RABGAP1L: variants seen among roughly 807,000 people sequenced by gnomAD.
RABGAP1L encodes the protein rab GTPase-activating protein 1-like.
A neutral mutation model predicts 137.7 loss-of-function variants in RABGAP1L; 63 were observed. The ratio of observed to expected loss-of-function variants is 0.46; its 90% CI spans 0.37 to 0.56. The LOEUF is 0.56. Among genes scored for constraint, RABGAP1L ranks in the 20% least tolerant of loss-of-function variants. The pLI is 0.00. For missense variants in RABGAP1L, 1,095 were observed against 1,244.0 expected (o/e 0.88, Z 1.80); for synonymous variants, 431 against 433.7 (o/e 0.99, Z 0.08).
intron 6 of RABGAP1L, among the ~76,000 whole-genome samples, chr1:174,250,835 C>A (rs1288190785): frequency 6.6e-6 from 1 of 152,156 alleles, no homozygotes; most frequent in African/African-American, 2.4e-5. Context: ...TCTTGTCACC[C>A]AGGCTGGAGT....
chr1:174,647,002 G>GCTCT (rs1481990028), intron 14 of RABGAP1L, among the ~76,000 whole-genome samples: 4 of 151,170 alleles, frequency 2.6e-5, no homozygotes, highest in Admixed American at 1.3e-4. Flanking sequence ...TCATGATTTG[G>GCTCT]CTGTTTGTCT....
chr1:174,644,036 A>G (rs1479105335), intron 14 of RABGAP1L, among the ~76,000 whole-genome samples: 1 of 151,864 alleles, frequency 6.6e-6, no homozygotes, highest in African/African-American at 2.4e-5. Context: ...TGTTAGTATC[A>G]TTATAGTCAT....
At chr1:174,255,067 T>A (rs1433820107) in intron 7 of RABGAP1L, among the ~76,000 whole-genome samples, 2 of 152,198 alleles carry the variant, frequency 1.3e-5, no homozygotes, top group East Asian at 3.8e-4. Flanking sequence ...GTAGTTTTGA[T>A]TTGCATTTCT....
intron 1 of RABGAP1L, among the ~76,000 whole-genome samples, chr1:174,163,284 A>G (rs1664653861): frequency 6.6e-6 from 1 of 152,208 alleles, no homozygotes; most frequent in African/African-American, 2.4e-5. Flanking sequence ...AGTGGACCCT[A>G]ATAAGGAAGA....
chr1:174,988,263 G>A (rs1049377720), intron 24 of RABGAP1L, among the ~76,000 whole-genome samples: 9 of 152,170 alleles, frequency 5.9e-5, no homozygotes, highest in Admixed American at 5.9e-4. Flanking sequence ...TTTATGAAAT[G>A]AGGATGATGA....
At chr1:174,408,590 T>A (rs1358905908) in intron 13 of RABGAP1L, among the ~76,000 whole-genome samples, 1 of 152,172 alleles carries the variant, frequency 6.6e-6, no homozygotes, top group Non-Finnish European at 1.5e-5. Flanking sequence ...AATAGTAGGA[T>A]TGCTGGGTTG....
chr1:174,649,414 G>A (rs759697477), intron 14 of RABGAP1L, among the ~76,000 whole-genome samples: 2 of 151,916 alleles, frequency 1.3e-5, no homozygotes, highest in African/African-American at 2.4e-5. Context: ...AAAATCCCTC[G>A]GCGATGGCTT....
intron 13 of RABGAP1L, among the ~76,000 whole-genome samples, chr1:174,488,710 AT>A (rs202016877): frequency 8.1e-5 from 12 of 147,350 alleles, no homozygotes; most frequent in African/African-American, 2.2e-4. Context: ...GGTGTGCTTC[AT>A]TTTTTTTTCT....
chr1:174,831,097 T>G (rs904662487), intron 19 of RABGAP1L, among the ~76,000 whole-genome samples: 1 of 148,148 alleles, frequency 6.8e-6, no homozygotes, highest in African/African-American at 2.5e-5. Context: ...TTGACAATAC[T>G]TTGGTATCTT....
At chr1:174,769,247 G>A (rs557654447) in intron 18 of RABGAP1L, among the ~76,000 whole-genome samples, 1 of 152,222 alleles carries the variant, frequency 6.6e-6, no homozygotes, top group African/African-American at 2.4e-5. Flanking sequence ...GATACTTGCT[G>A]CTGATTGGTT....
rs990157186 is a variant in RABGAP1L, at chr1:174,990,336, T to G, written c.*335T>G. On this transcript the variant is annotated 3_prime_UTR_variant, in exon 26 of 26. Coordinates refer to ENST00000681986, the MANE Select transcript of RABGAP1L (RefSeq NM_001366446.1). ...AGAATTATTCATAATTATTTTTATC[T>G]TACATAAAAATGGAGACATCTGTTA... 1 of 176,570 alleles carries G rather than the reference T, an allele frequency of 5.7e-6. No homozygotes were observed. Among genetic ancestry groups the G allele is most frequent in the Non-Finnish European group, 1.2e-5 (1 of 84,862 alleles). 10.9% of individuals were successfully genotyped at this position (176,570 alleles called of 1,614,324 possible). A position where few individuals can be genotyped will look rare whatever the true frequency, so the allele number is the denominator to read the frequency against.
intron 13 of RABGAP1L, among the ~76,000 whole-genome samples, chr1:174,409,803 A>T (rs1649699609): frequency 6.6e-6 from 1 of 152,164 alleles, no homozygotes; most frequent in East Asian, 1.9e-4. Context: ...GCTTACTAGG[A>T]TTGGGAAACC....
At chr1:174,943,349 G>A (rs1298635594) in intron 19 of RABGAP1L, among the ~76,000 whole-genome samples, 2 of 152,206 alleles carry the variant, frequency 1.3e-5, no homozygotes, top group East Asian at 3.9e-4. Flanking sequence ...TGTTCCCTGT[G>A]CCTGGAACAC....
intron 10 of RABGAP1L, among the ~76,000 whole-genome samples, chr1:174,281,123 G>C: frequency 6.6e-6 from 1 of 152,162 alleles, no homozygotes; most frequent in East Asian, 1.9e-4. Flanking sequence ...CGGACCCAAA[G>C]AGTGAGCAAC....
intron 13 of RABGAP1L, among the ~76,000 whole-genome samples, chr1:174,584,927 C>T (rs1669008037): frequency 6.6e-6 from 1 of 151,904 alleles, no homozygotes; most frequent in African/African-American, 2.4e-5. Context: ...AAAATCTAGT[C>T]CTGCCCTGTC....
At chr1:174,347,760 C>T (rs767277149) in intron 11 of RABGAP1L, among the ~76,000 whole-genome samples, 2 of 152,208 alleles carry the variant, frequency 1.3e-5, no homozygotes, top group Non-Finnish European at 2.9e-5. Flanking sequence ...TCCCAGAGTG[C>T]TAGGATTACA....
chr1:174,973,979 G>GTTTTTTTTTT (rs58500594), intron 21 of RABGAP1L, among the ~76,000 whole-genome samples: 3 of 85,788 alleles, frequency 3.5e-5, no homozygotes, highest in East Asian at 4.9e-4. Context: ...ATTGTTTTTT[G>GTTTTTTTTTT]TTTTTTTTTT....
chr1:174,891,307 T>G (rs1330234113), intron 19 of RABGAP1L, among the ~76,000 whole-genome samples: 3 of 151,854 alleles, frequency 2.0e-5, no homozygotes, highest in African/African-American at 7.3e-5. Context: ...AAATAGAGAG[T>G]GGGAGTTGAT....
At chr1:174,871,693 C>CATTTTTCATTTCAA (rs2149055452) in intron 19 of RABGAP1L, among the ~76,000 whole-genome samples, 1 of 152,246 alleles carries the variant, frequency 6.6e-6, no homozygotes, top group African/African-American at 2.4e-5. Context: ...AAACGAATAT[C>CATTTTTCATTTCAA]ATGTGAAATG....
Sources: allele counts gnomAD v4.1 joint callset (sites outside exome capture counted in the v4.1 genomes callset), GRCh38; gene constraint gnomAD v4.1.1; transcripts MANE v1.5; gene names NCBI Gene and HGNC (gene_info 2026-07-23, HGNC 2026-07-21).